FAM184A: variants seen among roughly 807,000 people sequenced by gnomAD.
The protein encoded by FAM184A is family with sequence similarity 184 member A.
In FAM184A, 99 loss-of-function variants were observed where a neutral mutation model predicts 143.8. That is an observed-to-expected ratio of 0.69 (90% confidence interval 0.58 to 0.81). The LOEUF (loss-of-function observed/expected upper bound fraction) is 0.81. FAM184A is among the 40% of genes least tolerant of loss of function. The pLI, the probability that FAM184A is intolerant of heterozygous loss-of-function variation, is 0.00. For missense variants in FAM184A, 1,217 were observed against 1,310.5 expected (o/e 0.93, Z 1.10); for synonymous variants, 427 against 446.4 (o/e 0.96, Z 0.55).
chr6:119,016,690 A>G, intron 5 of FAM184A, 57 bp downstream of exon 5: 1 of 1,460,926 alleles, frequency 6.8e-7, no homozygotes, highest in Admixed American at 1.7e-5. Context: ...TTCCGGACAC[A>G]CTACTACAGA....
intron 1 of FAM184A, among the ~76,000 whole-genome samples, chr6:119,050,792 A>T (rs1786730923): frequency 6.6e-6 from 1 of 151,654 alleles, no homozygotes; most frequent in Non-Finnish European, 1.5e-5. Flanking sequence ...GGCCTGGGCG[A>T]CAGAGCGAGA....
chr6:118,992,525 G>C (rs954455865), intron 9 of FAM184A, among the ~76,000 whole-genome samples: 1 of 152,192 alleles, frequency 6.6e-6, no homozygotes, highest in South Asian at 2.1e-4. Context: ...TACCACGTGA[G>C]GACATAGTAA....
intron 1 of FAM184A, among the ~76,000 whole-genome samples, chr6:119,044,591 T>TA (rs71748144): frequency 9.1e-4 from 119 of 131,174 alleles, no homozygotes; most frequent in African/African-American, 1.6e-3. Flanking sequence ...TCTCTTTAAT[T>TA]AAAAAAAAAA....
intron 16 of FAM184A, chr6:118,962,764 C>A (rs1783375688): frequency 1.3e-5 from 2 of 152,056 alleles, no homozygotes; most frequent in African/African-American, 4.8e-5. Flanking sequence ...AATTCACTAA[C>A]TTTAGTCTCA....
intron 1 of FAM184A, among the ~76,000 whole-genome samples, chr6:119,026,516 C>T (rs1410735470): frequency 6.6e-6 from 1 of 152,098 alleles, no homozygotes; most frequent in Non-Finnish European, 1.5e-5. Flanking sequence ...GGACCCTCCT[C>T]TTAGCCAAGT....
At chr6:119,008,258 C>G (rs1784985692) in intron 6 of FAM184A, among the ~76,000 whole-genome samples, 1 of 152,136 alleles carries the variant, frequency 6.6e-6, no homozygotes, top group East Asian at 1.9e-4. Flanking sequence ...AACTTAAACT[C>G]CAGAATGAAG....
chr6:119,014,932 G>A (rs188022637), intron 5 of FAM184A, among the ~76,000 whole-genome samples: 7 of 152,084 alleles, frequency 4.6e-5, no homozygotes, highest in Admixed American at 6.5e-5. Context: ...GGTGGCATGC[G>A]CCTGTAGTCC....
chr6:119,144,725 G>A (rs1772365725), intron 1 of FAM184A, among the ~76,000 whole-genome samples: 1 of 152,228 alleles, frequency 6.6e-6, no homozygotes, highest in South Asian at 2.1e-4. Context: ...CCAAAAGCAT[G>A]CTGCTTAGTA....
chr6:119,139,363 G>A (rs1016511780), intron 1 of FAM184A, among the ~76,000 whole-genome samples: 2 of 152,126 alleles, frequency 1.3e-5, no homozygotes, highest in Non-Finnish European at 2.9e-5. Context: ...CCAGCAGTTT[G>A]TTTCTGGTTA....
chr6:119,009,227 C>T (rs1785018943), intron 6 of FAM184A, among the ~76,000 whole-genome samples: 1 of 152,162 alleles, frequency 6.6e-6, no homozygotes, highest in Non-Finnish European at 1.5e-5. Context: ...TAGTTGCTAT[C>T]ACACTCCGTT....
intron 7 of FAM184A, among the ~76,000 whole-genome samples, chr6:119,003,995 A>G (rs1784848556): frequency 6.6e-6 from 1 of 152,234 alleles, no homozygotes; most frequent in African/African-American, 2.4e-5. Context: ...ATTCAAATTC[A>G]CTTATATTCA....
At chr6:118,974,975 G>GT (rs1467308357) in intron 13 of FAM184A, 49 bp downstream of exon 13, 1 of 1,462,404 alleles carries the variant, frequency 6.8e-7, no homozygotes, top group Non-Finnish European at 9.4e-7. Flanking sequence ...CAGCACAACA[G>GT]TTTTTCAGAT....
intron 9 of FAM184A, among the ~76,000 whole-genome samples, chr6:118,984,098 C>T (rs1438419986): frequency 2.8e-5 from 4 of 142,300 alleles, no homozygotes; most frequent in Non-Finnish European, 3.0e-5. Flanking sequence ...TGCAGTGAGC[C>T]GAGATCGCAG....
chr6:119,035,131 C>T (rs1582534940), intron 1 of FAM184A, among the ~76,000 whole-genome samples: 2 of 151,972 alleles, frequency 1.3e-5, no homozygotes, highest in South Asian at 2.1e-4. Flanking sequence ...AGCAACTGGC[C>T]GGTTAGACAT....
rs182106605 is a variant in FAM184A at position 119,015,684 on chromosome 6, C to T, written c.1530+1063G>A. Among the ~76,000 whole-genome samples, 1,294 of 152,364 alleles carry T rather than the reference C, an allele frequency of 8.5e-3. 7 individuals are homozygous for T. Among genetic ancestry groups the T allele is most frequent in the Non-Finnish European group, 0.014 (968 of 68,030 alleles). On this transcript the variant is annotated intron_variant, in intron 5 of 17. Transcript: ENST00000338891. ...CCTGCTCCACGGCGCCCAGTCCCAT[C>T]GACCGCCCAAGGGCTGAGGAGTGCG... is the stretch of plus-strand genomic sequence containing the variant.
chr6:118,989,801 C>CATTCATTT (rs200828563), intron 9 of FAM184A, among the ~76,000 whole-genome samples: 3 of 144,810 alleles, frequency 2.1e-5, no homozygotes, highest in Non-Finnish European at 3.0e-5. Context: ...AGTATTTTTA[C>CATTCATTT]ATTTATTTAT....
At chr6:119,006,224 T>C (rs1290703800) in intron 7 of FAM184A, 10 of 757,208 alleles carry the variant, frequency 1.3e-5, no homozygotes, top group Admixed American at 3.4e-5. Context: ...GGAAGGAACA[T>C]AGCTGTGCCA....
At chr6:119,064,715 A>G (rs750645070) in intron 1 of FAM184A, among the ~76,000 whole-genome samples, 4 of 152,146 alleles carry the variant, frequency 2.6e-5, no homozygotes. Flanking sequence ...CTTAAAAACA[A>G]CAACAAAAAA....
intron 1 of FAM184A, among the ~76,000 whole-genome samples, chr6:119,063,528 A>G (rs984604219): frequency 2.0e-5 from 3 of 152,224 alleles, no homozygotes; most frequent in Non-Finnish European, 4.4e-5. Flanking sequence ...GTGTATATTC[A>G]TAACATGTAA....
Sources: gnomAD v4.1 joint callset for allele counts (sites outside exome capture counted in the v4.1 genomes callset) on GRCh38, gnomAD v4.1.1 for gene constraint, MANE v1.5 for transcripts, NCBI Gene and HGNC (gene_info 2026-07-23, HGNC 2026-07-21) for gene names.